Variants in ENOX2 observed in about 807,000 individuals in gnomAD.
The protein encoded by ENOX2 is APK1 antigen.
Under a neutral mutation model 45.0 loss-of-function variants are expected in ENOX2, and 36 were observed. The ratio of observed to expected loss-of-function variants is 0.80; its 90% CI spans 0.61 to 1.06. ENOX2 has a LOEUF of 1.06. Among genes scored for constraint, ENOX2 ranks in the 50% least tolerant of loss-of-function variants. The pLI is 0.00. For missense variants in ENOX2, 423 were observed against 462.5 expected, an observed-to-expected ratio of 0.91 and a Z score of 0.78; for synonymous variants, 174 against 152.3, an observed-to-expected ratio of 1.14 and a Z score of -1.05.
intron 2 of ENOX2, among the ~76,000 whole-genome samples, chrX:130,859,338 A>AAAAAC (rs752415604): frequency 1.9e-4 from 21 of 112,511 alleles, no homozygotes; most frequent in Non-Finnish European, 2.6e-4. Flanking sequence ...TCTCAAAAAC[A>AAAAAC]AAAACAAAAC....
chrX:130,689,737 A>G (rs1450509052), intron 4 of ENOX2, among the ~76,000 whole-genome samples: 1 of 111,723 alleles, frequency 9.0e-6, no homozygotes. Context: ...TCTAAAAGCT[A>G]TAGGTTCTAT....
intron 2 of ENOX2, among the ~76,000 whole-genome samples, chrX:130,815,551 T>G (rs1483742899): frequency 8.9e-6 from 1 of 112,371 alleles, no homozygotes; most frequent in Non-Finnish European, 1.9e-5. Flanking sequence ...AGCAGATCTC[T>G]GCAGAAGCTC....
intron 3 of ENOX2, among the ~76,000 whole-genome samples, chrX:130,721,756 C>T (rs2038484569): frequency 8.9e-6 from 1 of 112,065 alleles, no homozygotes; most frequent in African/African-American, 3.2e-5. Flanking sequence ...TGGTGACGTA[C>T]TTGTAAATTT....
chrX:130,705,777 C>A (rs758778631), intron 3 of ENOX2, among the ~76,000 whole-genome samples: 1 of 111,710 alleles, frequency 9.0e-6, no homozygotes, highest in East Asian at 2.8e-4. Context: ...CTTGGAAGTT[C>A]ATGTGTTTGC....
chrX:130,784,967 TA>T (rs1241992590), intron 2 of ENOX2, among the ~76,000 whole-genome samples: 114 of 98,607 alleles, frequency 1.2e-3, no homozygotes, highest in Admixed American at 1.3e-3. Context: ...AATTGTCAGT[TA>T]AAAAAAAAAA....
At chrX:130,828,702 G>T (rs910478338) in intron 2 of ENOX2, among the ~76,000 whole-genome samples, 1 of 111,835 alleles carries the variant, frequency 8.9e-6, no homozygotes, top group Non-Finnish European at 1.9e-5. Flanking sequence ...AATAGGTGCT[G>T]CTCCCAAAGG....
intron 2 of ENOX2, among the ~76,000 whole-genome samples, chrX:130,893,400 G>T (rs1054216856): frequency 8.9e-6 from 1 of 112,089 alleles, no homozygotes; most frequent in African/African-American, 3.2e-5. Context: ...TAGGCACTTT[G>T]GGGAATTCAA....
At chrX:130,658,098 ATC>A (rs1239610009) in intron 9 of ENOX2, among the ~76,000 whole-genome samples, 3 of 112,055 alleles carry the variant, frequency 2.7e-5, no homozygotes, top group African/African-American at 9.7e-5. Flanking sequence ...TTTAAAAAAA[ATC>A]TCTATTCCTC....
At chrX:130,851,545 C>T (rs2078210768) in intron 2 of ENOX2, among the ~76,000 whole-genome samples, 1 of 108,437 alleles carries the variant, frequency 9.2e-6, no homozygotes, top group South Asian at 4.1e-4. Context: ...TCTATGGTGC[C>T]TGATACCTGA....
At chrX:130,890,298 G>A (rs1041677475) in intron 2 of ENOX2, among the ~76,000 whole-genome samples, 1 of 111,104 alleles carries the variant, frequency 9.0e-6, no homozygotes, top group African/African-American at 3.3e-5. Flanking sequence ...AAACAAACAC[G>A]CATACCAAAA....
chrX:130,879,790 G>C (rs17316171), intron 2 of ENOX2, among the ~76,000 whole-genome samples: 6,034 of 111,788 alleles, frequency 0.054, 180 homozygotes, highest in Non-Finnish European at 0.088. Flanking sequence ...CCTGATCAGA[G>C]TGAACTTTTT....
At chrX:130,774,946 T>C (rs2039817750) in intron 3 of ENOX2, among the ~76,000 whole-genome samples, 1 of 112,175 alleles carries the variant, frequency 8.9e-6, no homozygotes, top group African/African-American at 3.2e-5. Context: ...TAAACAGTGA[T>C]ATTGGGGATT....
Position 130,679,877 on chromosome X carries a change from A to T in ENOX2, c.254-129T>A, listed in dbSNP as rs899461220. ...GAGTGTCAGAAGGATGTGGCCTCTGAGGTGTTCATCTCTGCTCCACAGAAA... is the reference window on the plus strand; with the variant it reads ...GAGTGTCAGAAGGATGTGGCCTCTGTGGTGTTCATCTCTGCTCCACAGAAA... On this transcript the variant is annotated intron_variant, in intron 5 of 14. Transcript: ENST00000394363. The T allele has an allele frequency of 1.4e-5, 7 of 491,163 alleles. No homozygotes were observed. In the African/African-American group the frequency reaches 1.7e-4, roughly 12 times the overall value. The allele number at this position is 491,163 out of a possible 1,213,427, so 40.5% of individuals were successfully genotyped here.
intron 2 of ENOX2, among the ~76,000 whole-genome samples, chrX:130,828,765 T>C (rs1338806161): frequency 8.9e-6 from 1 of 111,903 alleles, no homozygotes. Context: ...CAGCCTCATA[T>C]GATGCCTTTT....
intron 2 of ENOX2, among the ~76,000 whole-genome samples, chrX:130,869,035 G>C (rs1165537622): frequency 1.8e-5 from 2 of 111,704 alleles, no homozygotes; most frequent in Non-Finnish European, 3.8e-5. Flanking sequence ...AGAGCATTCA[G>C]ATTCAAATAC....
intron 2 of ENOX2, among the ~76,000 whole-genome samples, chrX:130,892,246 G>A (rs1198901169): frequency 8.9e-6 from 1 of 112,235 alleles, no homozygotes; most frequent in African/African-American, 3.2e-5. Flanking sequence ...AGTGGTCTCC[G>A]TACATTCTCC....
intron 10 of ENOX2, among the ~76,000 whole-genome samples, chrX:130,649,043 C>CAAAAAAAAAAAAAAAAAAAAA (rs35154919): frequency 1.5e-4 from 1 of 6,792 alleles, no homozygotes; most frequent in African/African-American, 3.1e-4. Context: ...GACTCCATAT[C>CAAAAAAAAAAAAAAAAAAAAA]AAAAAAAAAA....
At chrX:130,716,444 C>A (rs2038331443) in intron 3 of ENOX2, among the ~76,000 whole-genome samples, 1 of 112,051 alleles carries the variant, frequency 8.9e-6, no homozygotes, top group Non-Finnish European at 1.9e-5. Flanking sequence ...TGTATCTGTG[C>A]TCTCTCTCCT....
intron 3 of ENOX2, among the ~76,000 whole-genome samples, chrX:130,723,968 C>T (rs2038546127): frequency 8.9e-6 from 1 of 111,768 alleles, no homozygotes; most frequent in South Asian, 3.8e-4. Flanking sequence ...CCCGTCCCCC[C>T]GCAGGATATG....
Sources: allele counts gnomAD v4.1 joint callset (sites outside exome capture counted in the v4.1 genomes callset), GRCh38; gene constraint gnomAD v4.1.1; transcripts MANE v1.5; gene names NCBI Gene and HGNC (gene_info 2026-07-23, HGNC 2026-07-21).